The following SCN9A variants were observed in gnomAD, a reference collection of about 807,000 sequenced individuals.
SCN9A encodes sodium channel protein type 9 subunit alpha.
SCN9A carries 131 observed loss-of-function variants against 187.0 expected under a neutral mutation model. The ratio of observed to expected loss-of-function variants is 0.70; its 90% CI spans 0.61 to 0.81. The LOEUF (loss-of-function observed/expected upper bound fraction) is 0.81, where lower values mean the gene tolerates loss of function less well. SCN9A is among the 30% of genes least tolerant of loss of function. SCN9A has a pLI of 0.00. For synonymous variants in SCN9A, 809 were observed against 808.6 expected (o/e 1.00, Z -0.01); for missense variants, 2,252 against 2,396.6 (o/e 0.94, Z 1.26).
At chr2:166,206,995 C>A (rs186676992) in intron 24 of SCN9A, among the ~76,000 whole-genome samples, 2 of 152,050 alleles carry the variant, frequency 1.3e-5, no homozygotes, top group South Asian at 2.1e-4. Context: ...AATAACATAA[C>A]ATCTAAATGA....
chr2:166,306,922 G>C, intron 3 of SCN9A, 34 bp downstream of exon 3: 2 of 1,215,498 alleles, frequency 1.6e-6, no homozygotes, highest in Middle Eastern at 2.0e-4. Flanking sequence ...ACACCATAAA[G>C]TGCCACTGGA....
chr2:166,315,463 T>C (rs770761836), intron 1 of SCN9A, among the ~76,000 whole-genome samples: 10 of 152,266 alleles, frequency 6.6e-5, no homozygotes, highest in East Asian at 1.9e-4. Context: ...GGGTGGTCAA[T>C]GCTAGTGGTA....
intron 10 of SCN9A, 86 bp downstream of exon 10, chr2:166,288,351 A>G: frequency 3.0e-6 from 3 of 994,596 alleles, no homozygotes; most frequent in Non-Finnish European, 4.4e-6. Flanking sequence ...ATCTAGCTGG[A>G]GAAGGCCAAG....
At chr2:166,340,531 CT>C (rs200831251) in intron 1 of SCN9A, among the ~76,000 whole-genome samples, 1 of 124,546 alleles carries the variant, frequency 8.0e-6, no homozygotes, top group Admixed American at 8.1e-5. Context: ...TCTCTCCTTT[CT>C]TTTCTTTCCC....
chr2:166,325,679 T>G (rs1194648462), intron 1 of SCN9A, among the ~76,000 whole-genome samples: 1 of 152,178 alleles, frequency 6.6e-6, no homozygotes, highest in Non-Finnish European at 1.5e-5. Flanking sequence ...ATCTTAATGA[T>G]GCCGTTAAGG....
At chr2:166,316,459 C>A (rs1208143685) in intron 1 of SCN9A, among the ~76,000 whole-genome samples, 3 of 152,166 alleles carry the variant, frequency 2.0e-5, no homozygotes, top group African/African-American at 7.2e-5. Flanking sequence ...CTTTGGGAGG[C>A]CCAGGCAGGC....
chr2:166,229,247 A>C (rs1694980450), intron 21 of SCN9A, among the ~76,000 whole-genome samples: 1 of 152,194 alleles, frequency 6.6e-6, no homozygotes, highest in Non-Finnish European at 1.5e-5. Flanking sequence ...ATAAGACAAA[A>C]TAACTAAGAT....
chr2:166,284,927 T>A, intron 11 of SCN9A, 103 bp from the exon 12 acceptor site: 1 of 1,228,512 alleles, frequency 8.1e-7, no homozygotes, highest in Non-Finnish European at 1.1e-6. Flanking sequence ...CAGGTGGCTC[T>A]GTACTGACTT....
chr2:166,200,496 A>G (rs1244970048), intron 26 of SCN9A, among the ~76,000 whole-genome samples: 1 of 152,162 alleles, frequency 6.6e-6, no homozygotes, highest in African/African-American at 2.4e-5. Flanking sequence ...TTAAATGCTA[A>G]AAAGAAAATA....
intron 26 of SCN9A, 30 bp downstream of exon 26, chr2:166,203,925 A>G (rs1444422582): frequency 7.2e-7 from 1 of 1,388,746 alleles, no homozygotes; most frequent in Non-Finnish European, 9.9e-7. Flanking sequence ...TTTACTCAAA[A>G]AATAAAATCT....
intron 1 of SCN9A, among the ~76,000 whole-genome samples, chr2:166,352,051 C>A (rs556270749): frequency 4.0e-4 from 61 of 152,116 alleles, no homozygotes; most frequent in Non-Finnish European, 3.8e-4. Context: ...GAAACACGTA[C>A]AATGTTAAAA....
intron 17 of SCN9A, among the ~76,000 whole-genome samples, chr2:166,263,933 C>T (rs1574830136): frequency 6.6e-6 from 1 of 151,956 alleles, no homozygotes; most frequent in Admixed American, 6.6e-5. Flanking sequence ...TGGCCTTGCT[C>T]AGACCTTGAT....
At position 166,280,402 on chromosome 2, in the gene SCN9A, G is replaced by T; in HGVS notation, c.2298C>A (p.His766Gln). 6.3e-7 allele frequency: 1 copy of T among 1,589,772 alleles called. No individual in the cohort carries two copies. The highest frequency in any genetic ancestry group is 8.6e-7 in the Non-Finnish European group (1 of 1,166,352). Residue 766 changes from histidine to glutamine, a missense_variant, in exon 14 of 27, where the codon CAC becomes CAA. Physicochemically the swap from His to Gln is conservative, Grantham distance 24 (BLOSUM62 0). This residue lies in a region of SCN9A where 1,013 missense variants were observed against 997.4 expected (regional missense o/e 1.02). Transcript: ENST00000642356. ...LNTLFMAMEH[H>Q]PMTEEFKNVL... The stretch of plus-strand genomic sequence containing the variant: ...CATTTTTGAATTCCTCAGTCATTGG[G>T]TGGTGTTCCATAGCCATAAATAATG...
intron 24 of SCN9A, among the ~76,000 whole-genome samples, chr2:166,221,545 T>C (rs1158163228): frequency 6.6e-6 from 1 of 152,088 alleles, no homozygotes; most frequent in African/African-American, 2.4e-5. Context: ...GGACTATAGG[T>C]GTGTGCCATC....
intron 16 of SCN9A, among the ~76,000 whole-genome samples, chr2:166,276,026 T>A (rs78292490): frequency 6.6e-6 from 1 of 152,156 alleles, no homozygotes; most frequent in African/African-American, 2.4e-5. Context: ...AGATTTGATG[T>A]CAAGCTGACC....
Position 166,325,682 on chromosome 2 carries a change from C to T in SCN9A, c.-50-13876G>A, listed in dbSNP as rs180884797. ...TATTACATATCCATCTTAATGATGC[C>T]GTTAAGGTACAAAAGGCTGACTTTT... is the stretch of plus-strand genomic sequence containing the variant. On this transcript the variant is annotated intron_variant, in intron 1 of 26. Coordinates refer to ENST00000642356, the MANE Select transcript of SCN9A (RefSeq NM_001365536.1). 2.4e-4 allele frequency among the ~76,000 whole-genome samples: 37 copies of T among 152,082 alleles called. No individual in the cohort carries two copies. In the East Asian group the frequency reaches 5.8e-3, roughly 24 times the overall value.
Position 166,305,938 on chromosome 2 carries a change from T to C in SCN9A, c.468-18A>G, listed in dbSNP as rs201398365. The C allele has an allele frequency of 1.4e-5, 23 of 1,611,718 alleles. No individual in the cohort carries two copies. The highest frequency in any genetic ancestry group is 2.2e-5 in the East Asian group (1 of 44,832). On this transcript the variant is annotated intron_variant, in intron 4 of 26. Coordinates refer to ENST00000642356, the MANE Select transcript of SCN9A (RefSeq NM_001365536.1). ...AAGTGTACCTAAACACAAGATTCCATTGGGATACTAGATGTGAAAAGAATA... is the reference window on the plus strand; with the variant it reads ...AAGTGTACCTAAACACAAGATTCCACTGGGATACTAGATGTGAAAAGAATA...
intron 1 of SCN9A, among the ~76,000 whole-genome samples, chr2:166,339,466 C>A (rs1699712024): frequency 6.6e-6 from 1 of 151,898 alleles, no homozygotes. Context: ...AAGCTAAATG[C>A]CTGGGGAAAG....
intron 1 of SCN9A, among the ~76,000 whole-genome samples, chr2:166,360,407 C>A (rs1216916164): frequency 6.6e-6 from 1 of 152,072 alleles, no homozygotes; most frequent in African/African-American, 2.4e-5. Flanking sequence ...TCTTAGTTCA[C>A]GTTAAATCCC....
Sources: gnomAD v4.1 joint callset for allele counts (sites outside exome capture counted in the v4.1 genomes callset) on GRCh38, gnomAD v4.1.1 for gene constraint, gnomAD v4.1.1 regional missense constraint, MANE v1.5 for transcripts, NCBI Gene and HGNC (gene_info 2026-07-23, HGNC 2026-07-21) for gene names.